SNX10: variants seen among roughly 807,000 people sequenced by gnomAD.
The protein encoded by SNX10 is sorting nexin-10.
Under a neutral mutation model 28.5 loss-of-function variants are expected in SNX10, and 25 were observed. That is an observed-to-expected ratio of 0.88 (90% CI 0.64 to 1.22). The LOEUF is 1.22. Ranked by LOEUF, SNX10 falls within the 50% of genes most tolerant of loss-of-function variation. SNX10 has a pLI of 0.00. For synonymous variants in SNX10, 62 were observed against 81.4 expected, an observed-to-expected ratio of 0.76 and a Z score of 1.28; for missense variants, 223 against 242.6, an observed-to-expected ratio of 0.92 and a Z score of 0.54.
At chr7:26,327,033 C>G (rs1409202025) in intron 1 of SNX10, among the ~76,000 whole-genome samples, 1 of 151,378 alleles carries the variant, frequency 6.6e-6, no homozygotes, top group Non-Finnish European at 1.5e-5. Flanking sequence ...TCACTGCAAC[C>G]TCTGCCTCCT....
At chr7:26,312,946 C>T (rs1269561628) in intron 1 of SNX10, among the ~76,000 whole-genome samples, 1 of 152,138 alleles carries the variant, frequency 6.6e-6, no homozygotes, top group Non-Finnish European at 1.5e-5. Flanking sequence ...AGGGAAGATA[C>T]AGGAAAACAA....
chr7:26,331,489 G>A (rs1787746210), intron 1 of SNX10, among the ~76,000 whole-genome samples: 1 of 152,114 alleles, frequency 6.6e-6, no homozygotes, highest in African/African-American at 2.4e-5. Flanking sequence ...GAGGGGCTGT[G>A]GTAGGTGGAT....
At chr7:26,353,706 C>T (rs1331263532) in intron 2 of SNX10, among the ~76,000 whole-genome samples, 2 of 152,128 alleles carry the variant, frequency 1.3e-5, no homozygotes, top group Non-Finnish European at 2.9e-5. Flanking sequence ...CCTGCCTTGG[C>T]CTCCCAAAGT....
At chr7:26,358,077 GTT>G (rs1409216189) in intron 2 of SNX10, among the ~76,000 whole-genome samples, 1 of 152,278 alleles carries the variant, frequency 6.6e-6, no homozygotes, top group East Asian at 1.9e-4. Flanking sequence ...GAGGGAAGAA[GTT>G]TGCCATCCAC....
chr7:26,345,542 C>T (rs1198480375), intron 1 of SNX10, among the ~76,000 whole-genome samples: 1 of 152,168 alleles, frequency 6.6e-6, no homozygotes, highest in East Asian at 1.9e-4. Context: ...CTCCACACGG[C>T]CCTGGAAGCG....
chr7:26,329,182 G>T (rs767092833), intron 1 of SNX10, among the ~76,000 whole-genome samples: 4 of 152,172 alleles, frequency 2.6e-5, no homozygotes, highest in Non-Finnish European at 5.9e-5. Context: ...GGTGTGACCC[G>T]GCCCACATCT....
intron 5 of SNX10, among the ~76,000 whole-genome samples, chr7:26,365,547 G>A (rs561144566): frequency 3.3e-5 from 5 of 152,096 alleles, no homozygotes; most frequent in Admixed American, 6.5e-5. Context: ...GCTCAGTAAC[G>A]GGCTGCTAAT....
At chr7:26,355,997 G>T (rs1788803476) in intron 2 of SNX10, among the ~76,000 whole-genome samples, 1 of 152,178 alleles carries the variant, frequency 6.6e-6, no homozygotes, top group African/African-American at 2.4e-5. Context: ...CCTGCCACAT[G>T]TCAAGTGCCC....
chr7:26,321,655 G>A (rs1405200643), intron 1 of SNX10, among the ~76,000 whole-genome samples: 2 of 152,200 alleles, frequency 1.3e-5, no homozygotes, highest in East Asian at 3.8e-4. Flanking sequence ...TGTTCAGGCA[G>A]GAAATGAATC....
chr7:26,361,037 C>A lies in SNX10; in HGVS notation c.87C>A (p.Tyr29Ter), dbSNP rs968119159. ...RIQKEDFWHS[Y>*]IDYEICIHTN... ...AGAAGGAGGACTTCTGGCATTCTTA[C>A]ATTGACTATGAGATATGTATTCATG... Residue 29 changes from tyrosine (Y) to a stop codon, truncating the protein, a stop_gained, in exon 3 of 7, where the codon TAC becomes TAA. Coordinates refer to ENST00000338523, the MANE Select transcript of SNX10 (RefSeq NM_013322.3). LOFTEE classifies it high-confidence loss of function. 4.4e-6 allele frequency: 7 copies of A among 1,607,216 alleles called. No individual in the cohort carries two copies. Among genetic ancestry groups the A allele is most frequent in the Non-Finnish European group, 6.0e-6 (7 of 1,174,608 alleles).
intron 3 of SNX10, among the ~76,000 whole-genome samples, 172 bp downstream of exon 3, chr7:26,361,233 A>G (rs1239764635): frequency 6.6e-6 from 1 of 152,208 alleles, no homozygotes; most frequent in Non-Finnish European, 1.5e-5. Flanking sequence ...TAAAGTTGAA[A>G]AATTACTTAT....
At chr7:26,340,284 A>G (rs946009050) in intron 1 of SNX10, among the ~76,000 whole-genome samples, 1 of 152,172 alleles carries the variant, frequency 6.6e-6, no homozygotes, top group Non-Finnish European at 1.5e-5. Flanking sequence ...AACTACTGCC[A>G]CCAGTTTTTG....
rs574594864 is a variant in SNX10 at position 26,324,053 on chromosome 7, T to C, written c.-23-22367T>C. On this transcript the variant is annotated intron_variant, in intron 1 of 6. Coordinates refer to ENST00000338523, the MANE Select transcript of SNX10 (RefSeq NM_013322.3). ...TTAGGTTGAAATTTCTCTTGAAGTT[T>C]ATATACTGGTCCTATAGGTACCTCA... 6.6e-5 allele frequency among the ~76,000 whole-genome samples: 10 copies of C among 152,328 alleles called. No homozygotes were observed. The South Asian group carries it at 2.1e-3, about 32-fold the overall frequency.
At chr7:26,363,742 A>G (rs1789178083) in intron 3 of SNX10, among the ~76,000 whole-genome samples, 1 of 141,876 alleles carries the variant, frequency 7.0e-6, no homozygotes, top group Non-Finnish European at 1.6e-5. Context: ...CTGCCTTAGG[A>G]TAGCTGGAAG....
At chr7:26,305,621 T>C (rs1018521940) in intron 1 of SNX10, among the ~76,000 whole-genome samples, 1 of 152,190 alleles carries the variant, frequency 6.6e-6, no homozygotes, top group Non-Finnish European at 1.5e-5. Context: ...AACTGAGCTC[T>C]TTCTGTCTAA....
At chr7:26,315,484 T>A (rs1461453198) in intron 1 of SNX10, among the ~76,000 whole-genome samples, 1 of 151,792 alleles carries the variant, frequency 6.6e-6, no homozygotes, top group African/African-American at 2.4e-5. Context: ...CTGGCTAACA[T>A]GGTGAAACCC....
chr7:26,352,277 A>G (rs1219691057), intron 2 of SNX10, among the ~76,000 whole-genome samples: 3 of 152,312 alleles, frequency 2.0e-5, no homozygotes, highest in African/African-American at 4.8e-5. Flanking sequence ...AAAAAATTGC[A>G]TAAAGCTGGG....
intron 1 of SNX10, among the ~76,000 whole-genome samples, chr7:26,330,643 A>G (rs1317726417): frequency 1.3e-5 from 2 of 152,066 alleles, no homozygotes; most frequent in Admixed American, 1.3e-4. Context: ...ACCCCAGAGG[A>G]TGGATGTTGC....
At chr7:26,372,264 A>T (rs1238206010) in intron 6 of SNX10, 1 of 588,858 alleles carries the variant, frequency 1.7e-6, no homozygotes, top group Non-Finnish European at 3.0e-6. Context: ...AATTATTTGC[A>T]TTCTGATTAT....
Sources: allele counts gnomAD v4.1 joint callset (sites outside exome capture counted in the v4.1 genomes callset), GRCh38; gene constraint gnomAD v4.1.1; transcripts MANE v1.5; gene names NCBI Gene and HGNC (gene_info 2026-07-23, HGNC 2026-07-21).